LSM14A: variants seen among roughly 807,000 people sequenced by gnomAD.
The protein encoded by LSM14A is LSM14A mRNA processing body assembly factor, also known as protein LSM14 homolog A.
Under a neutral mutation model 52.4 loss-of-function variants are expected in LSM14A, and 14 were observed. That is an observed-to-expected ratio of 0.27 (90% CI 0.18 to 0.42). The LOEUF is 0.42. Ranked by LOEUF, LSM14A falls within the 10% of genes least tolerant of loss-of-function variation. The probability of loss-of-function intolerance (pLI) is 1.00; values close to 1 mark genes in which losing one functional copy is unlikely to be tolerated. For synonymous variants in LSM14A, 185 were observed against 200.3 expected, an observed-to-expected ratio of 0.92 and a Z score of 0.64; for missense variants, 417 against 581.8, an observed-to-expected ratio of 0.72 and a Z score of 2.91.
intron 3 of LSM14A, among the ~76,000 whole-genome samples, chr19:34,201,661 C>A (rs2071299745): frequency 1.3e-5 from 2 of 152,122 alleles, no homozygotes; most frequent in South Asian, 4.1e-4. Flanking sequence ...TTTGTTGGCA[C>A]AAAGTAAACC....
At chr19:34,212,269 A>G (rs1233985284) in intron 4 of LSM14A, among the ~76,000 whole-genome samples, 2 of 152,198 alleles carry the variant, frequency 1.3e-5, no homozygotes, top group African/African-American at 4.8e-5. Flanking sequence ...AGGTGGCAGC[A>G]AGCTGTGATT....
In LSM14A at chr19:34,223,625, A is replaced by C. The variant is rs560469641; in HGVS notation, c.1368+1887A>C. On this transcript the variant is annotated intron_variant, in intron 9 of 9. Coordinates refer to ENST00000544216, the MANE Select transcript of LSM14A (RefSeq NM_015578.4). ...TTATTCCTTTGAGATGTCCCTGTCA[A>C]CTACCATGGTAACCCACCAGTTGGG... Among the ~76,000 whole-genome samples, 11 of 152,252 alleles carry C rather than the reference A, an allele frequency of 7.2e-5. No individual in the cohort carries two copies. In the South Asian group the frequency reaches 2.1e-3, roughly 29 times the overall value.
At chr19:34,186,799 C>G (rs897083199) in intron 1 of LSM14A, among the ~76,000 whole-genome samples, 1 of 152,074 alleles carries the variant, frequency 6.6e-6, no homozygotes, top group African/African-American at 2.4e-5. Flanking sequence ...TTCATTTGAA[C>G]CTGGTTTTAG....
intron 3 of LSM14A, 45 bp downstream of exon 3, chr19:34,196,808 T>A: frequency 6.6e-7 from 1 of 1,522,332 alleles, no homozygotes; most frequent in Non-Finnish European, 8.9e-7. Flanking sequence ...GTATTCTTCC[T>A]TTCTTTACCA....
intron 4 of LSM14A, among the ~76,000 whole-genome samples, chr19:34,209,771 A>G (rs1450709534): frequency 1.3e-5 from 2 of 151,676 alleles, no homozygotes; most frequent in Admixed American, 1.3e-4. Context: ...TCCTGGGCTC[A>G]AGCGATCCAT....
At chr19:34,224,647 A>G (rs1213838515) in intron 9 of LSM14A, among the ~76,000 whole-genome samples, 3 of 152,132 alleles carry the variant, frequency 2.0e-5, no homozygotes. Context: ...GCTCTTCTTA[A>G]TTGTGTGAGG....
intron 3 of LSM14A, among the ~76,000 whole-genome samples, chr19:34,198,307 CA>C (rs67310344): frequency 0.35 from 53,125 of 151,218 alleles, 9,719 homozygotes; most frequent in African/African-American, 0.4. Flanking sequence ...CAAAGAATGG[CA>C]AAAAAAAAGC....
At chr19:34,207,132 A>G (rs2071758202) in intron 3 of LSM14A, among the ~76,000 whole-genome samples, 1 of 152,216 alleles carries the variant, frequency 6.6e-6, no homozygotes, top group South Asian at 2.1e-4. Flanking sequence ...GGAATAGATT[A>G]TAGACATAAA....
At chr19:34,199,577 A>G (rs1482047700) in intron 3 of LSM14A, among the ~76,000 whole-genome samples, 1 of 152,208 alleles carries the variant, frequency 6.6e-6, no homozygotes, top group East Asian at 1.9e-4. Context: ...GTGGTGCTGA[A>G]TGTAAATAGA....
intron 1 of LSM14A, among the ~76,000 whole-genome samples, chr19:34,178,106 A>G (rs1006621363): frequency 1.6e-4 from 24 of 151,868 alleles, no homozygotes; most frequent in Non-Finnish European, 2.8e-4. Flanking sequence ...GGTTAGAGTG[A>G]GCCAAGATCA....
chr19:34,181,217 T>A (rs1700858948), intron 1 of LSM14A, among the ~76,000 whole-genome samples: 1 of 152,192 alleles, frequency 6.6e-6, no homozygotes, highest in African/African-American at 2.4e-5. Flanking sequence ...CCTCAGTTTT[T>A]CCTTCCCTAA....
At position 34,210,271 on chromosome 19, in the gene LSM14A, C is replaced by CT. The variant is rs575214470; in HGVS notation, c.538+1231dup. Reference sequence around the variant, plus strand: ...TCATATTGATTAGCTTAATTTTTTTCTTTTTTTTTTTCTTTTAAGATGGAG... The same window carrying CT: ...TCATATTGATTAGCTTAATTTTTTTCTTTTTTTTTTTTCTTTTAAGATGGAG... On this transcript the variant is annotated intron_variant, in intron 4 of 9. Coordinates refer to ENST00000544216, the MANE Select transcript of LSM14A (RefSeq NM_015578.4). Among the ~76,000 whole-genome samples the CT allele has an allele frequency of 1.0e-3, 147 of 146,148 alleles. 1 individual carries two copies. The highest frequency in any genetic ancestry group is 5.4e-3 in the South Asian group (25 of 4,600).
At chr19:34,193,204 A>G (rs1157938090) in intron 1 of LSM14A, among the ~76,000 whole-genome samples, 1 of 152,234 alleles carries the variant, frequency 6.6e-6, no homozygotes, top group Non-Finnish European at 1.5e-5. Flanking sequence ...TGTGTCACCC[A>G]GGCTGCAGTG....
At chr19:34,197,711 G>C (rs2070967362) in intron 3 of LSM14A, among the ~76,000 whole-genome samples, 1 of 152,094 alleles carries the variant, frequency 6.6e-6, no homozygotes, top group Non-Finnish European at 1.5e-5. Flanking sequence ...GAAGTGCTGG[G>C]ATTACAGGCG....
intron 4 of LSM14A, among the ~76,000 whole-genome samples, chr19:34,212,232 A>G (rs1015247998): frequency 3.3e-5 from 5 of 151,342 alleles, no homozygotes; most frequent in Admixed American, 2.6e-4. Context: ...GGCTGAAGCT[A>G]GAGGATTGCT....
chr19:34,192,312 T>G (rs865850937), intron 1 of LSM14A, among the ~76,000 whole-genome samples: 4 of 87,858 alleles, frequency 4.6e-5, no homozygotes, highest in Middle Eastern at 5.0e-3. Flanking sequence ...ATAACATTCT[T>G]TTTGTTGTTT....
intron 1 of LSM14A, among the ~76,000 whole-genome samples, chr19:34,175,381 C>T (rs141797783): frequency 0.016 from 2,498 of 152,252 alleles, 33 homozygotes; most frequent in Middle Eastern, 0.027. Flanking sequence ...CTGGCGCGTG[C>T]CACCACGCTT....
At position 34,227,394 on chromosome 19, in the gene LSM14A, A is replaced by T; in HGVS notation, c.*6A>T. The stretch of plus-strand genomic sequence containing the variant: ...ACAACAAAGTTGCTGCATAGTCTAC[A>T]AACAAGTCTCTGAAAATAGGTGAAT... On this transcript the variant is annotated 3_prime_UTR_variant, in exon 10 of 10. Transcript: ENST00000544216. 6.3e-7 allele frequency: 1 copy of T among 1,590,364 alleles called. No individual in the cohort carries two copies. Among genetic ancestry groups the T allele is most frequent in the Non-Finnish European group, 8.5e-7 (1 of 1,171,172 alleles).
chr19:34,227,126 G>T (rs1468979108), intron 9 of LSM14A, among the ~76,000 whole-genome samples: 2 of 152,132 alleles, frequency 1.3e-5, no homozygotes, highest in African/African-American at 4.8e-5. Flanking sequence ...CTGTATTTTG[G>T]GGTGGGGTTC....
Sources: allele counts gnomAD v4.1 joint callset (sites outside exome capture counted in the v4.1 genomes callset), GRCh38; gene constraint gnomAD v4.1.1; transcripts MANE v1.5; gene names NCBI Gene and HGNC (gene_info 2026-07-23, HGNC 2026-07-21).